Variants in TNK2 observed in about 807,000 individuals in gnomAD.
TNK2 encodes the protein activated CDC42 kinase 1.
A neutral mutation model predicts 101.8 loss-of-function variants in TNK2; 83 were observed. That is an observed-to-expected ratio of 0.82 (90% CI 0.68 to 0.98). The LOEUF (loss-of-function observed/expected upper bound fraction) is 0.98, where lower values mean the gene tolerates loss of function less well. Ranked by LOEUF, TNK2 falls within the 50% of genes least tolerant of loss-of-function variation. The pLI is 0.00. For missense variants in TNK2, 1,665 were observed against 1,483.2 expected (o/e 1.12, Z -2.01); for synonymous variants, 804 against 633.0 (o/e 1.27, Z -4.06).
Position 195,867,281 on chromosome 3 carries a change from C to T in TNK2, c.2938-17G>A. The T allele has an allele frequency of 8.7e-7, 1 of 1,144,628 alleles. No individual in the cohort carries two copies. Among genetic ancestry groups the T allele is most frequent in the South Asian group, 1.5e-5 (1 of 65,318 alleles). The allele number at this position is 1,144,628 out of a possible 1,614,324, so 70.9% of individuals were successfully genotyped here. ...GGCCTGCAGCTGGGCACACCCACCC[C>T]TGTCAGCACCACTAGGGCCCACTGC... On this transcript the variant is annotated splice_polypyrimidine_tract_variant and intron_variant, in intron 13 of 15. Transcript: ENST00000672887.
At chr3:195,891,481 C>T (rs1395284627) in intron 1 of TNK2, among the ~76,000 whole-genome samples, 1 of 152,258 alleles carries the variant, frequency 6.6e-6, no homozygotes. Context: ...AAGCTGTATT[C>T]ATTTATCCTC....
In TNK2 at chr3:195,893,428, G is replaced by A. The variant is rs115008136; in HGVS notation, c.-18-4822C>T. ...ACCAGGTGGCCAAGTTCCCAAACCC[G>A]CTCAAAACAAACAAATATGCCCTGA... On this transcript the variant is annotated intron_variant, in intron 1 of 15. Coordinates refer to ENST00000672887, the MANE Select transcript of TNK2 (RefSeq NM_001382273.1). Among the ~76,000 whole-genome samples, 267 of 151,640 alleles carry A rather than the reference G, an allele frequency of 1.8e-3. 2 individuals carry two copies. The highest frequency in any genetic ancestry group is 6.3e-3 in the African/African-American group (262 of 41,304).
Position 195,882,570 on chromosome 3 carries a change from A to C in TNK2, c.610-242T>G. 6.7e-7 allele frequency: 1 copy of C among 1,503,404 alleles called. No individual in the cohort carries two copies. The highest frequency in any genetic ancestry group is 8.9e-7 in the Non-Finnish European group (1 of 1,124,942). The allele number at this position is 1,503,404 out of a possible 1,614,324, so 93.1% of individuals were successfully genotyped here. On this transcript the variant is annotated intron_variant, in intron 5 of 15. Coordinates refer to ENST00000672887, the MANE Select transcript of TNK2 (RefSeq NM_001382273.1). This position sits in a 1 kb window ranked among gnomAD's most constrained non-coding sequence, Gnocchi z 4.2. The stretch of plus-strand genomic sequence containing the variant: ...AAAGAGGCAGTGGCTAGAAATTCCA[A>C]AACTCAGCTGGACGTGGTGGCTCAC...
Position 195,885,584 on chromosome 3 carries a change from G to C in TNK2, c.235-551C>G, listed in dbSNP as rs572227920. On this transcript the variant is annotated intron_variant, in intron 3 of 15. Transcript: ENST00000672887. The surrounding 1 kb of genome is among the most constrained non-coding windows in gnomAD (Gnocchi z 4.7). Reference sequence around the variant, plus strand: ...GATAATTTTAGTCTGAGGTTGAACCGTGAGTGTGTGTGTGGTTCAGATGAA... The same window carrying C: ...GATAATTTTAGTCTGAGGTTGAACCCTGAGTGTGTGTGTGGTTCAGATGAA... 3 of 1,289,896 alleles carry C rather than the reference G, an allele frequency of 2.3e-6. No homozygotes were observed. In the East Asian group the frequency reaches 1.7e-4, roughly 72 times the overall value. 79.9% of individuals were successfully genotyped at this position (1,289,896 alleles called of 1,614,324 possible). A position where few individuals can be genotyped will look rare whatever the true frequency, so the allele number is the denominator to read the frequency against.
At chr3:195,876,917 G>C (rs544539330) in intron 9 of TNK2, among the ~76,000 whole-genome samples, 5 of 152,340 alleles carry the variant, frequency 3.3e-5, no homozygotes, top group African/African-American at 9.6e-5. Context: ...AGGCACACAG[G>C]CTCCTGCTGA....
Position 195,888,300 on chromosome 3 carries a change from T to A in TNK2, c.163+126A>T, listed in dbSNP as rs1461203838. On this transcript the variant is annotated intron_variant, in intron 2 of 15. Coordinates refer to ENST00000672887, the MANE Select transcript of TNK2 (RefSeq NM_001382273.1). The surrounding 1 kb of genome is among the most constrained non-coding windows in gnomAD (Gnocchi z 5.3). Reference sequence around the variant, plus strand: ...CTCATCACACATCAGCACCTACTGATGTCCCTCCTGCTCCCTCAGGGCTCT... The same window carrying A: ...CTCATCACACATCAGCACCTACTGAAGTCCCTCCTGCTCCCTCAGGGCTCT... 2 of 992,604 alleles carry A rather than the reference T, an allele frequency of 2.0e-6. No individual in the cohort carries two copies. Among genetic ancestry groups the A allele is most frequent in the African/African-American group, 3.3e-5 (2 of 61,352 alleles). 61.5% of individuals were successfully genotyped at this position (992,604 alleles called of 1,614,324 possible).
At position 195,888,141 on chromosome 3, in the gene TNK2, G is replaced by A. The variant is rs1756940279; in HGVS notation, c.163+285C>T. Among the ~76,000 whole-genome samples the A allele has an allele frequency of 6.6e-6, 1 of 152,162 alleles. No individual in the cohort carries two copies. Among genetic ancestry groups the A allele is most frequent in the African/African-American group, 2.4e-5 (1 of 41,434 alleles). On this transcript the variant is annotated intron_variant, in intron 2 of 15. Transcript: ENST00000672887. This position sits in a 1 kb window ranked among gnomAD's most constrained non-coding sequence, Gnocchi z 5.3. ...ACAGACTCAATTCGATGCTTATGAA[G>A]GAGGGGCAATGGAGGACATACACTC...
chr3:195,875,796 C>G (rs1193187768), intron 9 of TNK2, among the ~76,000 whole-genome samples: 1 of 152,212 alleles, frequency 6.6e-6, no homozygotes, highest in South Asian at 2.1e-4. Flanking sequence ...CCGCATGAAC[C>G]TTCTACCTCC....
chr3:195,876,409 G>A (rs1011780599), intron 9 of TNK2: 3 of 456,566 alleles, frequency 6.6e-6, no homozygotes, highest in Non-Finnish European at 1.3e-5. Flanking sequence ...TCCAAACACA[G>A]ACCCACAGAT....
intron 4 of TNK2, chr3:195,883,593 G>A: frequency 2.7e-6 from 1 of 373,890 alleles, no homozygotes; most frequent in Non-Finnish European, 5.1e-6. Flanking sequence ...CCAGTATGAT[G>A]AGAGAATATT....
At chr3:195,872,187 A>G in intron 10 of TNK2, 89 bp downstream of exon 10, 1 of 1,420,000 alleles carries the variant, frequency 7.0e-7, no homozygotes, top group Non-Finnish European at 9.6e-7. Flanking sequence ...CGAAAGGGTG[A>G]AGAGCAGATT....
intron 10 of TNK2, 94 bp from the exon 11 acceptor site, chr3:195,870,299 G>C (rs1251809076): frequency 6.4e-7 from 1 of 1,560,232 alleles, no homozygotes; most frequent in Non-Finnish European, 8.7e-7. Context: ...AGGAAACCGG[G>C]TGTAGTCTTG....
At position 195,882,062 on chromosome 3, in the gene TNK2, C is replaced by G. The variant is rs1471037491; in HGVS notation, c.876G>C (p.Val292=). The G allele has an allele frequency of 1.2e-6, 2 of 1,609,054 alleles. No homozygotes were observed. The highest frequency in any genetic ancestry group is 1.7e-5 in the Admixed American group (1 of 59,968). The change falls in exon 6 of 16, where the codon GTG becomes GTC. Residue 292 remains valine (V), a synonymous_variant. Transcript: ENST00000672887. This position sits in a 1 kb window ranked among gnomAD's most constrained non-coding sequence, Gnocchi z 4.2. ...CACCTGCCCCTCACCAGGCGAAGGG[C>G]ACCTTGCGATGTTCCTGCATGACGT... ...DHYVMQEHRK[V]PFAWCAPESL...
In TNK2 at chr3:195,867,586, A is replaced by G. The variant is rs1189190184; in HGVS notation, c.2712T>C (p.Pro904=). The G allele has an allele frequency of 2.5e-6, 4 of 1,587,482 alleles. No homozygotes were observed. Among genetic ancestry groups the G allele is most frequent in the East Asian group, 2.2e-5 (1 of 44,722 alleles). Residue 904 remains proline (P), a synonymous_variant, in exon 13 of 16, where the codon CCT becomes CCC. Coordinates refer to ENST00000672887, the MANE Select transcript of TNK2 (RefSeq NM_001382273.1). The part of the protein sequence containing the change: ...AQSPEEPTPL[P]VPLLLPPPST... ...TGGGTGGGGGCAGCAGCAGAGGCACAGGCAGGGGGGTAGGCTCCTCGGGGC... is the reference window on the plus strand; with the variant it reads ...TGGGTGGGGGCAGCAGCAGAGGCACGGGCAGGGGGGTAGGCTCCTCGGGGC...
At chr3:195,864,332 T>A (rs1465239199) in intron 15 of TNK2, 145 bp from the exon 16 acceptor site, 33 of 836,356 alleles carry the variant, frequency 3.9e-5, no homozygotes, top group Non-Finnish European at 6.2e-5. Context: ...ATCCTGGATG[T>A]CTTTTCTCTG....
At position 195,868,091 on chromosome 3, in the gene TNK2, G is replaced by C. The variant is rs557924118; in HGVS notation, c.2207C>G (p.Pro736Arg). 2.2e-5 allele frequency: 35 copies of C among 1,610,156 alleles called. No individual in the cohort carries two copies. Among genetic ancestry groups the C allele is most frequent in the Non-Finnish European group, 2.9e-5 (34 of 1,179,148 alleles). ...QQECMRQLQA[P>R]AGSPAPSPSP... ...GGGAGAGGGGGCCGGGGAGCCGGCC[G>C]GAGCCTGCAGTTGCCTCATGCACTC... Residue 736 changes from proline to arginine, a missense_variant, in exon 13 of 16, where the codon CCG becomes CGG. This residue lies in a region of TNK2 where 1,136 missense variants were observed against 894.9 expected (regional missense o/e 1.27). Transcript: ENST00000672887.
chr3:195,864,001 T>C lies in TNK2; in HGVS notation c.*180A>G, dbSNP rs915971001. The stretch of plus-strand genomic sequence containing the variant: ...CCAAAGTGTGCAGGGACAGCGCTGG[T>C]GCAGGAGGGATGGGCAGGGCAGGGC... On this transcript the variant is annotated 3_prime_UTR_variant, in exon 16 of 16. Transcript: ENST00000672887. 2.7e-6 allele frequency: 2 copies of C among 732,770 alleles called. No individual in the cohort carries two copies. The highest frequency in any genetic ancestry group is 4.6e-6 in the Non-Finnish European group (2 of 435,798). 45.4% of individuals were successfully genotyped at this position (732,770 alleles called of 1,614,324 possible).
Position 195,882,133 on chromosome 3 carries a change from C to T in TNK2, c.805G>A (p.Gly269Arg), listed in dbSNP as rs753548814. 1.2e-6 allele frequency: 2 copies of T among 1,613,860 alleles called. No homozygotes were observed. Among genetic ancestry groups the T allele is most frequent in the Non-Finnish European group, 1.7e-6 (2 of 1,179,992 alleles). Residue 269 changes from glycine to arginine, a missense_variant, in exon 6 of 16, where the codon GGG becomes AGG. Gly to Arg is a moderately radical substitution (Grantham distance 125). Around this residue, in one of 3 missense-constraint regions of TNK2, gnomAD observed 490 missense variants for 522.5 expected, o/e 0.94. Coordinates refer to ENST00000672887, the MANE Select transcript of TNK2 (RefSeq NM_001382273.1). The surrounding 1 kb of genome is among the most constrained non-coding windows in gnomAD (Gnocchi z 4.2). ...LLATRDLVKI[G>R]DFGLMRALPQ... Reference sequence around the variant, plus strand: ...AGTGCTCGCATCAGCCCAAAGTCCCCGATCTTGACCAGGTCGCGGGTAGCC... The same window carrying T: ...AGTGCTCGCATCAGCCCAAAGTCCCTGATCTTGACCAGGTCGCGGGTAGCC...
At chr3:195,894,178 ACCGGGGG>A (rs75454932) in intron 1 of TNK2, 28,106 of 152,008 alleles carry the variant, frequency 0.18, 2,868 homozygotes, top group Middle Eastern at 0.29. Flanking sequence ...AGACCCAGGG[ACCGGGGG>A]CCGGGGAACA....
Sources: gnomAD v4.1 joint callset for allele counts (sites outside exome capture counted in the v4.1 genomes callset) on GRCh38, gnomAD v4.1.1 for gene constraint, gnomAD v4.1.1 regional missense constraint, Gnocchi (gnomAD v3.1) non-coding constraint, MANE v1.5 for transcripts, NCBI Gene and HGNC (gene_info 2026-07-23, HGNC 2026-07-21) for gene names.